The following AIG1 variants were observed in gnomAD, a reference collection of about 807,000 sequenced individuals.
The protein encoded by AIG1 is androgen induced 1, also known as androgen-induced gene 1 protein.
AIG1 carries 23 observed loss-of-function variants against 31.4 expected under a neutral mutation model. The ratio of observed to expected loss-of-function variants is 0.73; its 90% CI spans 0.53 to 1.04. The LOEUF is 1.04. Among genes scored for constraint, AIG1 ranks in the 50% least tolerant of loss-of-function variants. The pLI is 0.00. For missense variants in AIG1, 274 were observed against 295.0 expected (o/e 0.93, Z 0.52); for synonymous variants, 100 against 110.5 (o/e 0.90, Z 0.60).
chr6:143,187,988 T>A, intron 3 of AIG1: 2 of 1,164,920 alleles, frequency 1.7e-6, no homozygotes, highest in Non-Finnish European at 2.1e-6. Context: ...GTTGGAAAAA[T>A]TAGGTAATGG....
intron 3 of AIG1, among the ~76,000 whole-genome samples, chr6:143,217,948 G>A (rs932174443): frequency 1.3e-5 from 2 of 152,230 alleles, no homozygotes; most frequent in Admixed American, 6.5e-5. Flanking sequence ...AATGCCCCAT[G>A]CCATGCTTGA....
At chr6:143,211,670 A>G (rs367597525) in intron 3 of AIG1, among the ~76,000 whole-genome samples, 3 of 152,180 alleles carry the variant, frequency 2.0e-5, no homozygotes, top group African/African-American at 7.2e-5. Flanking sequence ...AGACGGATGG[A>G]TCACTCGAGG....
At chr6:143,189,789 A>G (rs1026486076) in intron 3 of AIG1, 1 of 983,804 alleles carries the variant, frequency 1.0e-6, no homozygotes, top group Non-Finnish European at 1.2e-6. Flanking sequence ...ATTTCCTGAA[A>G]CACTTCTCAA....
chr6:143,325,957 C>A lies in AIG1; in HGVS notation c.516-7325C>A, dbSNP rs1029385585. On this transcript the variant is annotated intron_variant, in intron 4 of 5. Transcript: ENST00000357847. The surrounding 1 kb of genome is among the most constrained non-coding windows in gnomAD (Gnocchi z 4.3). ...CCATGGCTGAATTCAAGCTACTGAC[C>A]AACCAGCTTGCAAACCACCTAAAGA... Among the ~76,000 whole-genome samples the A allele has an allele frequency of 1.3e-5, 2 of 152,168 alleles. No individual in the cohort carries two copies. The highest frequency in any genetic ancestry group is 2.4e-5 in the African/African-American group (1 of 41,430).
intron 1 of AIG1, 112 bp from the exon 2 acceptor site, chr6:143,136,723 C>A: frequency 1.9e-6 from 2 of 1,028,016 alleles, no homozygotes; most frequent in Non-Finnish European, 2.6e-6. Context: ...TTAAAATATG[C>A]TTCTGATCCT....
At chr6:143,161,513 C>A (rs1262944538) in intron 2 of AIG1, among the ~76,000 whole-genome samples, 2 of 147,526 alleles carry the variant, frequency 1.4e-5, no homozygotes, top group African/African-American at 2.5e-5. Context: ...CAGATTGAAT[C>A]CAGTAAAAAC....
intron 3 of AIG1, among the ~76,000 whole-genome samples, chr6:143,180,098 T>C (rs1267079779): frequency 6.6e-6 from 1 of 152,268 alleles, no homozygotes; most frequent in Admixed American, 6.5e-5. Flanking sequence ...ACAGGTGGTG[T>C]TAGCAAATGA....
At chr6:143,294,365 C>T (rs4896634) in intron 4 of AIG1, among the ~76,000 whole-genome samples, 24 of 151,954 alleles carry the variant, frequency 1.6e-4, no homozygotes, top group African/African-American at 5.6e-4. Context: ...ACTCTCACAC[C>T]GCAAAGGCTT....
chr6:143,172,716 G>A (rs1346442258), intron 3 of AIG1, among the ~76,000 whole-genome samples: 7 of 151,982 alleles, frequency 4.6e-5, no homozygotes, highest in Non-Finnish European at 1.0e-4. Flanking sequence ...TTTGTTGGTA[G>A]CTTTTTATTA....
chr6:143,082,652 C>T (rs1048009188), intron 1 of AIG1, among the ~76,000 whole-genome samples: 51 of 152,254 alleles, frequency 3.3e-4, no homozygotes, highest in African/African-American at 1.1e-3. Context: ...TGCCACTACC[C>T]GTAAACAGTG....
chr6:143,247,898 T>C (rs1794724816), intron 3 of AIG1, among the ~76,000 whole-genome samples: 1 of 152,200 alleles, frequency 6.6e-6, no homozygotes, highest in African/African-American at 2.4e-5. Context: ...TCAGGAGGTC[T>C]TCATCTTTCC....
At chr6:143,173,909 C>T (rs979377080) in intron 3 of AIG1, among the ~76,000 whole-genome samples, 2 of 152,092 alleles carry the variant, frequency 1.3e-5, no homozygotes, top group African/African-American at 4.8e-5. Context: ...TCCATTTGTT[C>T]TAGGGTATAG....
intron 1 of AIG1, among the ~76,000 whole-genome samples, chr6:143,087,495 T>C (rs1778902356): frequency 6.6e-6 from 1 of 152,192 alleles, no homozygotes; most frequent in Admixed American, 6.5e-5. Context: ...AATGGACGCC[T>C]CACTCGATCA....
intron 3 of AIG1, among the ~76,000 whole-genome samples, chr6:143,244,393 T>C (rs1268464597): frequency 6.6e-6 from 1 of 152,126 alleles, no homozygotes; most frequent in Non-Finnish European, 1.5e-5. Flanking sequence ...CCTCTTTGAT[T>C]GCTAGGTAAG....
intron 3 of AIG1, among the ~76,000 whole-genome samples, chr6:143,243,205 A>G (rs963510109): frequency 6.6e-6 from 1 of 152,232 alleles, no homozygotes; most frequent in African/African-American, 2.4e-5. Context: ...TGATGTGGGA[A>G]CATTTGCAGC....
rs937561442 is a variant in AIG1 at position 143,174,359 on chromosome 6, C to A, written c.399+9176C>A. 1.6e-4 allele frequency among the ~76,000 whole-genome samples: 24 copies of A among 151,880 alleles called. 1 individual carries two copies. The highest frequency in any genetic ancestry group is 1.6e-3 in the Admixed American group (24 of 15,230). ...AAAATTAGCCAGGCGTGGTGGCAGGCACCTGTAATCCCGGCTACTTGGGAG... is the reference window on the plus strand; with the variant it reads ...AAAATTAGCCAGGCGTGGTGGCAGGAACCTGTAATCCCGGCTACTTGGGAG... On this transcript the variant is annotated intron_variant, in intron 3 of 5. Transcript: ENST00000357847.
intron 1 of AIG1, among the ~76,000 whole-genome samples, chr6:143,107,444 G>A (rs541833982): frequency 6.6e-6 from 1 of 152,282 alleles, no homozygotes; most frequent in African/African-American, 2.4e-5. Context: ...GAAGCTAGCT[G>A]TATAAAATTA....
intron 4 of AIG1, among the ~76,000 whole-genome samples, chr6:143,321,926 T>TA (rs749868573): frequency 8.5e-5 from 13 of 152,156 alleles, no homozygotes; most frequent in Non-Finnish European, 1.6e-4. Context: ...ATCTACTTCA[T>TA]AGACTGCTGT....
chr6:143,067,148 A>G (rs1776787831), intron 1 of AIG1, among the ~76,000 whole-genome samples: 1 of 152,196 alleles, frequency 6.6e-6, no homozygotes. Flanking sequence ...CCTGAGTGAC[A>G]GAGCCAAATC....
Sources: gnomAD v4.1 joint callset for allele counts (sites outside exome capture counted in the v4.1 genomes callset) on GRCh38, gnomAD v4.1.1 for gene constraint, Gnocchi (gnomAD v3.1) non-coding constraint, MANE v1.5 for transcripts, NCBI Gene and HGNC (gene_info 2026-07-23, HGNC 2026-07-21) for gene names.